ABCA1: variants seen among roughly 807,000 people sequenced by gnomAD.
ABCA1 encodes ATP binding cassette subfamily A member 1.
Under a neutral mutation model 262.5 loss-of-function variants are expected in ABCA1, and 133 were observed. The observed-to-expected ratio is 0.51, with a 90% CI of 0.44 to 0.59. ABCA1 has a LOEUF of 0.59. Among genes scored for constraint, ABCA1 ranks in the 20% least tolerant of loss-of-function variants. The probability of loss-of-function intolerance (pLI) is 0.00; values close to 1 mark genes in which losing one functional copy is unlikely to be tolerated. For synonymous variants in ABCA1, 1,022 were observed against 1,043.5 expected, an observed-to-expected ratio of 0.98 and a Z score of 0.40; for missense variants, 2,452 against 2,777.5, an observed-to-expected ratio of 0.88 and a Z score of 2.63.
chr9:104,888,070 T>G lies in ABCA1; in HGVS notation c.160+1032A>C, dbSNP rs1839355194. ...ATGTTTCTTGAGGGGTGTGTGTGTGTGTGTGTGTGTGTGTGTGTGTTTAAT... is the reference window on the plus strand; with the variant it reads ...ATGTTTCTTGAGGGGTGTGTGTGTGGGTGTGTGTGTGTGTGTGTGTTTAAT... On this transcript the variant is annotated intron_variant, in intron 3 of 49. Coordinates refer to ENST00000374736, the MANE Select transcript of ABCA1 (RefSeq NM_005502.4). Among the ~76,000 whole-genome samples, 3 of 151,794 alleles carry G rather than the reference T, an allele frequency of 2.0e-5. No individual in the cohort carries two copies. The South Asian group carries it at 6.3e-4, about 32-fold the overall frequency.
intron 8 of ABCA1, among the ~76,000 whole-genome samples, chr9:104,844,008 A>AT (rs1193109054): frequency 0.028 from 3,892 of 139,832 alleles, 136 homozygotes; most frequent in African/African-American, 0.097. Flanking sequence ...CCTGCTTCCA[A>AT]TTTTTTTTTT....
chr9:104,806,511 G>A (rs1156459451), intron 30 of ABCA1, 81 bp from the exon 31 acceptor site: 29 of 1,383,276 alleles, frequency 2.1e-5, no homozygotes, highest in African/African-American at 2.8e-5. Flanking sequence ...GGATCATTCC[G>A]TAACAACCAC....
chr9:104,875,587 G>C (rs1259543036), intron 5 of ABCA1, among the ~76,000 whole-genome samples: 2 of 152,032 alleles, frequency 1.3e-5, no homozygotes, highest in Non-Finnish European at 2.9e-5. Context: ...CCAGCACAGT[G>C]ACAAAATGCC....
At chr9:104,823,064 GAA>G (rs34239819) in intron 18 of ABCA1, among the ~76,000 whole-genome samples, 4 of 138,488 alleles carry the variant, frequency 2.9e-5, no homozygotes, top group African/African-American at 7.9e-5. Flanking sequence ...ACTGCTGAGT[GAA>G]AAAAAAAAAA....
chr9:104,848,202 G>A (rs1324488722), intron 7 of ABCA1, among the ~76,000 whole-genome samples: 1 of 152,130 alleles, frequency 6.6e-6, no homozygotes, highest in Non-Finnish European at 1.5e-5. Flanking sequence ...AACTAAAAAT[G>A]CTACCAGCTG....
chr9:104,814,987 C>T (rs1308484534), intron 25 of ABCA1, among the ~76,000 whole-genome samples: 1 of 152,070 alleles, frequency 6.6e-6, no homozygotes, highest in African/African-American at 2.4e-5. Flanking sequence ...AAGAGCAAAA[C>T]TCCAGTCTCA....
chr9:104,838,509 C>A (rs1834037945), intron 9 of ABCA1, among the ~76,000 whole-genome samples: 2 of 150,472 alleles, frequency 1.3e-5, no homozygotes, highest in Non-Finnish European at 3.0e-5. Context: ...TCCAGCTACT[C>A]AGGAGGCTGA....
At position 104,817,425 on chromosome 9, in the gene ABCA1, G is replaced by A. The variant is rs771808052; in HGVS notation, c.3463-21C>T. On this transcript the variant is annotated intron_variant, in intron 23 of 49. Coordinates refer to ENST00000374736, the MANE Select transcript of ABCA1 (RefSeq NM_005502.4). This position sits in a 1 kb window ranked among gnomAD's most constrained non-coding sequence, Gnocchi z 4.7. ...TCCTCCTGATGGCAAAGAAGGAGGTGAGAACGGGTCAGGGACGGAGCAAGG... is the reference window on the plus strand; with the variant it reads ...TCCTCCTGATGGCAAAGAAGGAGGTAAGAACGGGTCAGGGACGGAGCAAGG... 6.2e-6 allele frequency: 10 copies of A among 1,613,834 alleles called. No individual in the cohort carries two copies. The highest frequency in any genetic ancestry group is 5.0e-5 in the Admixed American group (3 of 60,012).
chr9:104,810,757 G>A, intron 29 of ABCA1, 43 bp downstream of exon 29: 2 of 1,613,890 alleles, frequency 1.2e-6, no homozygotes, highest in South Asian at 2.2e-5. Flanking sequence ...TCTTTGGTCT[G>A]CTCGAATCTT....
At chr9:104,794,082 C>T (rs1829654344) in intron 40 of ABCA1, among the ~76,000 whole-genome samples, 1 of 152,274 alleles carries the variant, frequency 6.6e-6, no homozygotes, top group East Asian at 1.9e-4. Context: ...TTGACTTTTC[C>T]AGTGCTTCTA....
chr9:104,788,685 G>T, intron 44 of ABCA1, 118 bp from the exon 45 acceptor site: 1 of 1,286,264 alleles, frequency 7.8e-7, no homozygotes, highest in Non-Finnish European at 1.1e-6. Flanking sequence ...CAATACATCT[G>T]CTGCTACTTG....
chr9:104,861,516 A>G (rs1477498157), intron 6 of ABCA1, 163 bp downstream of exon 6: 14 of 1,016,146 alleles, frequency 1.4e-5, no homozygotes, highest in Non-Finnish European at 1.8e-5. Flanking sequence ...TGGTTTGGCA[A>G]TTCCTGCCTG....
At chr9:104,845,016 C>T (rs1002714057) in intron 8 of ABCA1, among the ~76,000 whole-genome samples, 1 of 152,198 alleles carries the variant, frequency 6.6e-6, no homozygotes, top group Non-Finnish European at 1.5e-5. Flanking sequence ...ACCTCAGAAG[C>T]CAGATGCTTT....
chr9:104,793,002 G>A (rs1829562076), intron 41 of ABCA1, 96 bp from the exon 42 acceptor site: 1 of 1,598,956 alleles, frequency 6.3e-7, no homozygotes, highest in Non-Finnish European at 8.6e-7. Context: ...ACTTGCCACA[G>A]TCTCCAGGAT....
In ABCA1 at chr9:104,781,447, A is replaced by G. The variant is rs186459020; in HGVS notation, c.*2868T>C. 1 of 152,734 alleles carries G rather than the reference A, an allele frequency of 6.5e-6. No homozygotes were observed. Among genetic ancestry groups the G allele is most frequent in the Admixed American group, 6.5e-5 (1 of 15,304 alleles). The allele number at this position is 152,734 out of a possible 1,614,324, so 9.5% of individuals were successfully genotyped here. A position where few individuals can be genotyped will look rare whatever the true frequency, so the allele number is the denominator to read the frequency against. On this transcript the variant is annotated 3_prime_UTR_variant, in exon 50 of 50. Coordinates refer to ENST00000374736, the MANE Select transcript of ABCA1 (RefSeq NM_005502.4). ...GGTACAAATTAATGTCTCAATATCA[A>G]AGTGGTTCAGTATTACATGACACAT...
Position 104,908,194 on chromosome 9 carries a change from T to C in ABCA1, c.-92-4423A>G, listed in dbSNP as rs1019569839. 4.6e-5 allele frequency among the ~76,000 whole-genome samples: 7 copies of C among 152,216 alleles called. No individual in the cohort carries two copies. The South Asian group carries it at 6.2e-4, about 13-fold the overall frequency. ...CACTGGGACTCAATACACTGTGGAA[T>C]TGTAAAATGGAAGAGCCACTTTGGA... On this transcript the variant is annotated intron_variant, in intron 1 of 49. Transcript: ENST00000374736.
chr9:104,838,865 A>C (rs1343343360), intron 9 of ABCA1, among the ~76,000 whole-genome samples: 1 of 152,006 alleles, frequency 6.6e-6, no homozygotes, highest in Non-Finnish European at 1.5e-5. Flanking sequence ...CATGGAAATG[A>C]AGGCTTCCTT....
chr9:104,808,013 A>G lies in ABCA1; in HGVS notation c.4274+1453T>C, dbSNP rs550837287. 9.1e-4 allele frequency among the ~76,000 whole-genome samples: 139 copies of G among 152,096 alleles called. 2 individuals are homozygous for G. In the South Asian group the frequency reaches 0.026, roughly 29 times the overall value. The stretch of plus-strand genomic sequence containing the variant: ...AACTGACCAGAAAAGTCACACTAAG[A>G]CGCGCTGCCCTCCTGAAGCTTACAC... On this transcript the variant is annotated intron_variant, in intron 30 of 49. Transcript: ENST00000374736.
chr9:104,870,538 A>C (rs1437546652), intron 5 of ABCA1, among the ~76,000 whole-genome samples: 1 of 152,208 alleles, frequency 6.6e-6, no homozygotes, highest in Non-Finnish European at 1.5e-5. Flanking sequence ...CCCCCCTCAA[A>C]GTTCATACAT....
Sources: gnomAD v4.1 joint callset for allele counts (sites outside exome capture counted in the v4.1 genomes callset) on GRCh38, gnomAD v4.1.1 for gene constraint, Gnocchi (gnomAD v3.1) non-coding constraint, MANE v1.5 for transcripts, NCBI Gene and HGNC (gene_info 2026-07-23, HGNC 2026-07-21) for gene names.